NAA11: variants seen among roughly 807,000 people sequenced by gnomAD.
NAA11 encodes the protein N-alpha-acetyltransferase 11, NatA catalytic subunit, also known as N-alpha-acetyltransferase 11.
Under a neutral mutation model 16.1 loss-of-function variants are expected in NAA11, and 15 were observed. The observed-to-expected ratio is 0.93, with a 90% CI of 0.62 to 1.44. The LOEUF (loss-of-function observed/expected upper bound fraction) is 1.44, where lower values mean the gene tolerates loss of function less well. Among genes scored for constraint, NAA11 ranks in the 40% most tolerant of loss-of-function variants. NAA11 has a pLI of 0.00. For missense variants in NAA11, 298 were observed against 291.3 expected (o/e 1.02, Z -0.17); for synonymous variants, 122 against 112.4 (o/e 1.09, Z -0.54).
intron 2 of NAA11, among the ~76,000 whole-genome samples, chr4:79,273,450 A>C (rs1302917519): frequency 6.6e-6 from 1 of 152,090 alleles, no homozygotes; most frequent in Non-Finnish European, 1.5e-5. Flanking sequence ...AGTTGTCTCC[A>C]TGGAAAAAAT....
At chr4:79,269,243 T>C (rs1325467246) in intron 2 of NAA11, among the ~76,000 whole-genome samples, 1 of 149,300 alleles carries the variant, frequency 6.7e-6, no homozygotes, top group East Asian at 2.0e-4. Flanking sequence ...GGTCAAATGG[T>C]ATTTCTAGTT....
chr4:79,282,253 C>T (rs570879221), intron 2 of NAA11, among the ~76,000 whole-genome samples: 27 of 152,132 alleles, frequency 1.8e-4, no homozygotes, highest in African/African-American at 5.5e-4. Flanking sequence ...ACACAGCCCA[C>T]ATTATACAAG....
At chr4:79,227,672 C>G (rs4302482) in intron 2 of NAA11, 104,888 of 151,854 alleles carry the variant, frequency 0.69, 39,138 homozygotes, top group East Asian at 0.89. Context: ...GAGATGGACA[C>G]TGTTTTTTAG....
At chr4:79,194,149 A>G in the NAA11 span, among the ~76,000 whole-genome samples, 1 of 152,112 alleles carries the variant, frequency 6.6e-6, no homozygotes, top group African/African-American at 2.4e-5. Flanking sequence ...TTCTAGATAT[A>G]CAATCATGTC....
intron 2 of NAA11, among the ~76,000 whole-genome samples, chr4:79,274,783 T>G (rs1472188672): frequency 2.0e-5 from 3 of 152,094 alleles, no homozygotes; most frequent in Admixed American, 6.6e-5. Context: ...TTGGCATGAC[T>G]AAGCTCTGGA....
chr4:79,177,535 G>A, the NAA11 span, among the ~76,000 whole-genome samples: 1 of 152,042 alleles, frequency 6.6e-6, no homozygotes, highest in Non-Finnish European at 1.5e-5. Flanking sequence ...CTTAGAATGT[G>A]AGCTGTCCTC....
At chr4:79,269,648 A>G (rs1722441716) in intron 2 of NAA11, among the ~76,000 whole-genome samples, 1 of 147,448 alleles carries the variant, frequency 6.8e-6, no homozygotes, top group Non-Finnish European at 1.5e-5. Context: ...CCCATTTTGT[A>G]GGTTGCCTGT....
At chr4:79,262,648 A>G (rs761269032) in intron 2 of NAA11, among the ~76,000 whole-genome samples, 11 of 152,190 alleles carry the variant, frequency 7.2e-5, no homozygotes, top group Non-Finnish European at 1.5e-4. Flanking sequence ...AAATGGTAGT[A>G]GAGTCTGTGT....
At chr4:79,214,566 G>A in the NAA11 span, among the ~76,000 whole-genome samples, 1 of 152,136 alleles carries the variant, frequency 6.6e-6, no homozygotes, top group African/African-American at 2.4e-5. Flanking sequence ...TTGGGAGGCC[G>A]AGGTGGGCAG....
the NAA11 span, among the ~76,000 whole-genome samples, chr4:79,220,439 G>C: frequency 4.0e-4 from 31 of 76,738 alleles, no homozygotes; most frequent in Non-Finnish European, 6.2e-4. Context: ...GTGTGTGTCT[G>C]TGTGTGTGTG....
the NAA11 span, among the ~76,000 whole-genome samples, chr4:79,170,423 AC>A: frequency 6.6e-6 from 1 of 152,152 alleles, no homozygotes; most frequent in Non-Finnish European, 1.5e-5. Flanking sequence ...TAAAGAGAGG[AC>A]ATTCAGATGT....
At chr4:79,238,610 G>A (rs1721620155) in intron 2 of NAA11, among the ~76,000 whole-genome samples, 1 of 152,088 alleles carries the variant, frequency 6.6e-6, no homozygotes, top group Non-Finnish European at 1.5e-5. Context: ...GCTTTCTTGG[G>A]GAGTACAATC....
At chr4:79,223,412 G>A (rs368690531), downstream of NAA11, among the ~76,000 whole-genome samples, 7 of 144,794 alleles carry the variant, frequency 4.8e-5, no homozygotes, top group East Asian at 4.2e-4. Flanking sequence ...ACCAAACACC[G>A]CATATTCTCA....
At chr4:79,185,803 T>C in the NAA11 span, among the ~76,000 whole-genome samples, 3 of 152,290 alleles carry the variant, frequency 2.0e-5, no homozygotes, top group East Asian at 3.9e-4. Context: ...CAGGAAACTC[T>C]TTCCAACTGG....
the NAA11 span, among the ~76,000 whole-genome samples, chr4:79,181,392 G>A: frequency 6.6e-6 from 1 of 152,124 alleles, no homozygotes; most frequent in Non-Finnish European, 1.5e-5. Flanking sequence ...CTCAGTCTAG[G>A]CACTGCTGTC....
chr4:79,309,817 G>A (rs1237154346), intron 1 of NAA11, among the ~76,000 whole-genome samples: 3 of 140,696 alleles, frequency 2.1e-5, no homozygotes, highest in East Asian at 2.3e-4. Context: ...CCGGGTTCAC[G>A]CCATTCTTCT....
the NAA11 span, among the ~76,000 whole-genome samples, chr4:79,199,616 GTTTA>G: frequency 1.3e-5 from 2 of 151,742 alleles, no homozygotes; most frequent in Non-Finnish European, 2.9e-5. Flanking sequence ...ATAATGGCTT[GTTTA>G]TTCTGCACAA....
the NAA11 span, among the ~76,000 whole-genome samples, chr4:79,178,741 G>A: frequency 0.015 from 2,313 of 152,276 alleles, 60 homozygotes; most frequent in African/African-American, 0.052. Flanking sequence ...GGTGCTGTGT[G>A]AGAGAATAAC....
chr4:79,221,011 G>A (rs1326114408), downstream of NAA11, among the ~76,000 whole-genome samples: 1 of 151,620 alleles, frequency 6.6e-6, no homozygotes, highest in Admixed American at 6.6e-5. Context: ...CATGAGCATG[G>A]AATGTTCTTC....
Sources: allele counts gnomAD v4.1 joint callset (sites outside exome capture counted in the v4.1 genomes callset), GRCh38; gene constraint gnomAD v4.1.1; transcripts MANE v1.5; gene names NCBI Gene and HGNC (gene_info 2026-07-23, HGNC 2026-07-21).